The following SEZ6L variants were observed in gnomAD, a reference collection of about 807,000 sequenced individuals.
SEZ6L encodes seizure related 6 homolog like.
SEZ6L carries 37 observed loss-of-function variants against 106.2 expected under a neutral mutation model. The observed-to-expected ratio is 0.35, with a 90% CI of 0.27 to 0.46. SEZ6L has a LOEUF of 0.46. Among genes scored for constraint, SEZ6L ranks in the 20% least tolerant of loss-of-function variants. The pLI, the probability that SEZ6L is intolerant of heterozygous loss-of-function variation, is 1.00. For synonymous variants in SEZ6L, 541 were observed against 570.4 expected (o/e 0.95, Z 0.73); for missense variants, 1,172 against 1,332.8 (o/e 0.88, Z 1.88).
At chr22:26,323,605 AAGAG>A (rs1352826726) in intron 9 of SEZ6L, among the ~76,000 whole-genome samples, 2 of 152,214 alleles carry the variant, frequency 1.3e-5, no homozygotes, top group African/African-American at 4.8e-5. Flanking sequence ...TGTTTCTAAA[AAGAG>A]AGAGACAGAG....
intron 9 of SEZ6L, among the ~76,000 whole-genome samples, chr22:26,315,040 T>C (rs2081958613): frequency 2.6e-5 from 4 of 152,182 alleles, no homozygotes; most frequent in East Asian, 1.9e-4. Context: ...GGGAGGGTGG[T>C]TGGGGGCGGA....
chr22:26,205,807 G>A (rs548118893), intron 1 of SEZ6L, among the ~76,000 whole-genome samples: 55 of 152,072 alleles, frequency 3.6e-4, no homozygotes, highest in Non-Finnish European at 6.6e-4. Flanking sequence ...CTCCTCAAGA[G>A]AATGAATCTT....
At chr22:26,204,192 G>A (rs134770) in intron 1 of SEZ6L, among the ~76,000 whole-genome samples, 6,759 of 152,260 alleles carry the variant, frequency 0.044, 480 homozygotes, top group African/African-American at 0.15. Context: ...TCTACAATGT[G>A]CCAGGTACTA....
intron 13 of SEZ6L, among the ~76,000 whole-genome samples, chr22:26,373,173 T>C (rs989610590): frequency 6.6e-6 from 1 of 152,134 alleles, no homozygotes; most frequent in African/African-American, 2.4e-5. Context: ...GTATGTAGAG[T>C]TCTTGGCACA....
At chr22:26,329,179 G>A (rs1409476265) in intron 9 of SEZ6L, among the ~76,000 whole-genome samples, 1 of 152,092 alleles carries the variant, frequency 6.6e-6, no homozygotes, top group African/African-American at 2.4e-5. Context: ...AAGAGACTAA[G>A]GAAACAGGCT....
intron 3 of SEZ6L, among the ~76,000 whole-genome samples, chr22:26,296,130 A>G (rs778458158): frequency 3.9e-5 from 6 of 152,308 alleles, no homozygotes; most frequent in South Asian, 2.1e-4. Context: ...TTACACACAC[A>G]CGCGCACATA....
intron 10 of SEZ6L, among the ~76,000 whole-genome samples, chr22:26,345,247 G>A (rs1395207318): frequency 6.6e-6 from 1 of 152,242 alleles, no homozygotes; most frequent in African/African-American, 2.4e-5. Flanking sequence ...AGAACAGGAA[G>A]GTTAAGTGAC....
chr22:26,279,008 G>GGAAGGAAAGAC (rs368413890), intron 1 of SEZ6L, among the ~76,000 whole-genome samples: 5 of 117,374 alleles, frequency 4.3e-5, no homozygotes, highest in African/African-American at 1.0e-4. Flanking sequence ...AAGGAAGGAA[G>GGAAGGAAAGAC]GGAAGGAAGG....
intron 10 of SEZ6L, among the ~76,000 whole-genome samples, chr22:26,340,951 T>A (rs1569470131): frequency 1.3e-5 from 2 of 151,234 alleles, no homozygotes; most frequent in African/African-American, 2.4e-5. Context: ...CAATGCCTCA[T>A]AACTTATGTT....
chr22:26,285,951 G>A (rs2080921501), intron 1 of SEZ6L, among the ~76,000 whole-genome samples: 1 of 152,132 alleles, frequency 6.6e-6, no homozygotes, highest in African/African-American at 2.4e-5. Flanking sequence ...TGATCTCCAG[G>A]AGCCTTTTGA....
chr22:26,238,629 T>G (rs1348330909), intron 1 of SEZ6L, among the ~76,000 whole-genome samples: 2 of 152,174 alleles, frequency 1.3e-5, no homozygotes, highest in Non-Finnish European at 2.9e-5. Flanking sequence ...ATACCTGCTG[T>G]TTTTTGGGCA....
intron 6 of SEZ6L, among the ~76,000 whole-genome samples, 196 bp downstream of exon 6, chr22:26,306,340 G>A (rs1470664089): frequency 6.6e-6 from 1 of 152,198 alleles, no homozygotes; most frequent in Non-Finnish European, 1.5e-5. Context: ...ACCAGGGTAT[G>A]CAGAAGGAAA....
Position 26,234,918 on chromosome 22 carries a change from G to C in SEZ6L, c.95-57488G>C, listed in dbSNP as rs148646946. 2.3e-3 allele frequency among the ~76,000 whole-genome samples: 347 copies of C among 152,322 alleles called. 2 individuals carry two copies. Among genetic ancestry groups the C allele is most frequent in the African/African-American group, 7.8e-3 (325 of 41,560 alleles). On this transcript the variant is annotated intron_variant, in intron 1 of 16. Coordinates refer to ENST00000248933, the MANE Select transcript of SEZ6L (RefSeq NM_021115.5). ...ATTTAAGCTAAGTCTTGACAGATTA[G>C]TAGGAGTTCAACAGGGTAGAGATAC...
intron 1 of SEZ6L, among the ~76,000 whole-genome samples, chr22:26,276,350 G>A (rs763595219): frequency 6.6e-6 from 1 of 152,222 alleles, no homozygotes; most frequent in Non-Finnish European, 1.5e-5. Context: ...GGCAAAGCCA[G>A]TGCTAGAACC....
intron 1 of SEZ6L, among the ~76,000 whole-genome samples, chr22:26,258,105 C>T (rs982347096): frequency 1.3e-5 from 2 of 152,074 alleles, no homozygotes; most frequent in African/African-American, 2.4e-5. Flanking sequence ...TGTGAGCATC[C>T]GCTCTGCCCA....
At chr22:26,302,546 T>C (rs577465393) in intron 5 of SEZ6L, among the ~76,000 whole-genome samples, 21 of 152,326 alleles carry the variant, frequency 1.4e-4, no homozygotes, top group South Asian at 6.2e-4. Context: ...CAGTTATTCA[T>C]AGCCAAGTGG....
chr22:26,234,379 T>C (rs1243465823), intron 1 of SEZ6L, among the ~76,000 whole-genome samples: 1 of 152,228 alleles, frequency 6.6e-6, no homozygotes, highest in Non-Finnish European at 1.5e-5. Flanking sequence ...AAAGAAATGT[T>C]CCATCTGAAA....
chr22:26,182,574 T>A (rs1351754103), intron 1 of SEZ6L, among the ~76,000 whole-genome samples: 2 of 151,978 alleles, frequency 1.3e-5, no homozygotes, highest in Admixed American at 1.3e-4. Flanking sequence ...TGTGAATAAA[T>A]GAATGCATGG....
chr22:26,316,287 C>T (rs2081994478), intron 9 of SEZ6L, among the ~76,000 whole-genome samples: 1 of 152,130 alleles, frequency 6.6e-6, no homozygotes, highest in Non-Finnish European at 1.5e-5. Flanking sequence ...TCTCTTAACT[C>T]TAGGGAAAAA....
Sources: allele counts gnomAD v4.1 joint callset (sites outside exome capture counted in the v4.1 genomes callset), GRCh38; gene constraint gnomAD v4.1.1; transcripts MANE v1.5; gene names NCBI Gene and HGNC (gene_info 2026-07-23, HGNC 2026-07-21).